The following SPRED1 variants were observed in gnomAD, a reference collection of about 807,000 sequenced individuals.
SPRED1 encodes sprouty-related, EVH1 domain-containing protein 1.
A neutral mutation model predicts 52.3 loss-of-function variants in SPRED1; 18 were observed. That is an observed-to-expected ratio of 0.34 (90% CI 0.24 to 0.51). The LOEUF (loss-of-function observed/expected upper bound fraction) is 0.51. Among genes scored for constraint, SPRED1 ranks in the 20% least tolerant of loss-of-function variants. SPRED1 has a pLI of 0.97. For synonymous variants in SPRED1, 155 were observed against 179.7 expected (o/e 0.86, Z 1.10); for missense variants, 485 against 551.0 (o/e 0.88, Z 1.20).
intron 4 of SPRED1, among the ~76,000 whole-genome samples, chr15:38,334,099 A>G (rs1411188112): frequency 2.0e-5 from 3 of 152,118 alleles, no homozygotes; most frequent in African/African-American, 7.2e-5. Flanking sequence ...ACAGAGGTCA[A>G]AATGACTGAT....
intron 5 of SPRED1, among the ~76,000 whole-genome samples, chr15:38,343,793 C>T (rs2141010985): frequency 6.6e-6 from 1 of 152,196 alleles, no homozygotes; most frequent in East Asian, 1.9e-4. Context: ...CTATTATGTG[C>T]TAGATACTGT....
At chr15:38,256,000 A>G (rs1003238715) in intron 1 of SPRED1, among the ~76,000 whole-genome samples, 3 of 147,012 alleles carry the variant, frequency 2.0e-5, no homozygotes, top group Non-Finnish European at 4.5e-5. Flanking sequence ...GTACATGCTT[A>G]TTATTTGAAA....
intron 1 of SPRED1, among the ~76,000 whole-genome samples, chr15:38,296,637 A>G (rs1391020616): frequency 1.3e-5 from 2 of 152,180 alleles, no homozygotes; most frequent in Admixed American, 6.5e-5. Context: ...TGTAGTTATA[A>G]TCTCATCAGC....
chr15:38,293,510 A>C (rs1468853380), intron 1 of SPRED1, among the ~76,000 whole-genome samples: 1 of 152,186 alleles, frequency 6.6e-6, no homozygotes, highest in Non-Finnish European at 1.5e-5. Context: ...CCAGTGCTAA[A>C]GGAGTAATAC....
chr15:38,300,242 G>T (rs888831755), intron 2 of SPRED1, among the ~76,000 whole-genome samples: 1 of 151,876 alleles, frequency 6.6e-6, no homozygotes, highest in African/African-American at 2.4e-5. Context: ...CACTTTCTTT[G>T]TTTCATTTGT....
At chr15:38,313,017 C>T (rs1895399413) in intron 2 of SPRED1, among the ~76,000 whole-genome samples, 2 of 152,052 alleles carry the variant, frequency 1.3e-5, no homozygotes, top group Middle Eastern at 3.4e-3. Flanking sequence ...CCCTCTCCCA[C>T]ACGCACACAC....
chr15:38,310,599 T>G (rs997969689), intron 2 of SPRED1, among the ~76,000 whole-genome samples: 3 of 152,236 alleles, frequency 2.0e-5, no homozygotes, highest in African/African-American at 7.2e-5. Flanking sequence ...TGTCTCTGTT[T>G]AGGTCTTTGA....
chr15:38,329,459 AAGTT>A (rs1411247094), intron 4 of SPRED1, among the ~76,000 whole-genome samples: 1 of 152,140 alleles, frequency 6.6e-6, no homozygotes, highest in Non-Finnish European at 1.5e-5. Flanking sequence ...TCTGAAAACT[AAGTT>A]AGTGGATTGG....
chr15:38,277,465 G>A (rs192191563), intron 1 of SPRED1, among the ~76,000 whole-genome samples: 12 of 152,220 alleles, frequency 7.9e-5, no homozygotes, highest in African/African-American at 2.9e-4. Flanking sequence ...CCTTTTTATG[G>A]CTGTGTAGTA....
intron 1 of SPRED1, among the ~76,000 whole-genome samples, chr15:38,295,506 T>C (rs528665834): frequency 6.6e-6 from 1 of 152,226 alleles, no homozygotes; most frequent in South Asian, 2.1e-4. Context: ...GTACGTGGAG[T>C]CTGTTGTTGA....
intron 1 of SPRED1, among the ~76,000 whole-genome samples, chr15:38,276,502 A>G (rs76889371): frequency 0.024 from 3,693 of 152,264 alleles, 164 homozygotes; most frequent in African/African-American, 0.084. Flanking sequence ...TGCTAACCAC[A>G]GTTAAGCACT....
chr15:38,265,406 T>C (rs16966573), intron 1 of SPRED1, among the ~76,000 whole-genome samples: 6,296 of 152,182 alleles, frequency 0.041, 441 homozygotes, highest in African/African-American at 0.14. Context: ...GAAGGTGGGG[T>C]CGCTTTTTAA....
chr15:38,326,329 TA>T (rs1895709900), intron 4 of SPRED1: 1 of 152,120 alleles, frequency 6.6e-6, no homozygotes, highest in South Asian at 2.1e-4. Flanking sequence ...TGATAAACAG[TA>T]AATGAGAGAA....
chr15:38,345,414 G>C (rs1478304305), intron 5 of SPRED1, among the ~76,000 whole-genome samples: 1 of 152,140 alleles, frequency 6.6e-6, no homozygotes, highest in Non-Finnish European at 1.5e-5. Flanking sequence ...CATTCAACTG[G>C]GGTAAGTTGA....
rs1888622075 is a variant in SPRED1 at position 38,356,383 on chromosome 15, AT to A, written c.*4721del. 6.6e-6 allele frequency: 1 copy of A among 152,108 alleles called. No individual in the cohort carries two copies. The highest frequency in any genetic ancestry group is 1.5e-5 in the Non-Finnish European group (1 of 67,968). The allele number at this position is 152,108 out of a possible 1,614,324, so 9.4% of individuals were successfully genotyped here. Reference sequence around the variant, plus strand: ...CCCGTGTAATTGGACATAGCAGATGATTATCATAAGAATTTGTTTTAATGGT... The same window carrying A: ...CCCGTGTAATTGGACATAGCAGATGATATCATAAGAATTTGTTTTAATGGT... On this transcript the variant is annotated 3_prime_UTR_variant, in exon 7 of 7. Coordinates refer to ENST00000299084, the MANE Select transcript of SPRED1 (RefSeq NM_152594.3).
intron 4 of SPRED1, among the ~76,000 whole-genome samples, chr15:38,332,164 A>C (rs1895818770): frequency 6.6e-6 from 1 of 152,234 alleles, no homozygotes; most frequent in Non-Finnish European, 1.5e-5. Context: ...ATGTGCATGC[A>C]TTAGGAAGTT....
At chr15:38,312,016 G>C (rs1895377637) in intron 2 of SPRED1, among the ~76,000 whole-genome samples, 1 of 151,890 alleles carries the variant, frequency 6.6e-6, no homozygotes, top group African/African-American at 2.4e-5. Context: ...CCAGACTTTT[G>C]AAAAGACTTC....
At chr15:38,305,886 A>C (rs1051964569) in intron 2 of SPRED1, among the ~76,000 whole-genome samples, 8 of 152,184 alleles carry the variant, frequency 5.3e-5, no homozygotes, top group African/African-American at 1.9e-4. Flanking sequence ...AGGAATTATC[A>C]GTGATCCCTC....
chr15:38,337,340 T>C (rs1895943092), intron 4 of SPRED1, among the ~76,000 whole-genome samples: 1 of 152,216 alleles, frequency 6.6e-6, no homozygotes, highest in African/African-American at 2.4e-5. Context: ...AATTCATGAA[T>C]AATATATACT....
Sources: allele counts gnomAD v4.1 joint callset (sites outside exome capture counted in the v4.1 genomes callset), GRCh38; gene constraint gnomAD v4.1.1; transcripts MANE v1.5; gene names NCBI Gene and HGNC (gene_info 2026-07-23, HGNC 2026-07-21).